PDE4C: variants seen among roughly 807,000 people sequenced by gnomAD.
PDE4C encodes the protein phosphodiesterase 4C.
A neutral mutation model predicts 63.9 loss-of-function variants in PDE4C; 50 were observed. That is an observed-to-expected ratio of 0.78 (90% CI 0.62 to 0.99). The LOEUF is 0.99. Ranked by LOEUF, PDE4C falls within the 50% of genes least tolerant of loss-of-function variation. The pLI is 0.00. For synonymous variants in PDE4C, 377 were observed against 385.1 expected (o/e 0.98, Z 0.25); for missense variants, 777 against 899.1 (o/e 0.86, Z 1.74).
chr19:18,215,831 C>CTTT (rs756197005), intron 12 of PDE4C, among the ~76,000 whole-genome samples: 2 of 127,798 alleles, frequency 1.6e-5, no homozygotes, highest in Non-Finnish European at 1.7e-5. Flanking sequence ...TTTTTCTTTT[C>CTTT]TTTTTTTTTT....
At chr19:18,247,261 C>T (rs998351626) in intron 1 of PDE4C, among the ~76,000 whole-genome samples, 1 of 152,144 alleles carries the variant, frequency 6.6e-6, no homozygotes, top group African/African-American at 2.4e-5. Context: ...TCAGTGGGCC[C>T]CTGTGAGCTG....
chr19:18,244,555 C>G (rs748130300), intron 1 of PDE4C, among the ~76,000 whole-genome samples: 1 of 152,098 alleles, frequency 6.6e-6, no homozygotes, highest in Non-Finnish European at 1.5e-5. Context: ...TCTTGTCACC[C>G]AGGCTGGAGT....
chr19:18,215,118 A>G (rs1968135002), intron 12 of PDE4C, among the ~76,000 whole-genome samples: 1 of 151,858 alleles, frequency 6.6e-6, no homozygotes. Context: ...GGTACCCACC[A>G]CTCAAGACCC....
chr19:18,250,286 G>C (rs148915447), upstream of PDE4C: 73 of 399,126 alleles, frequency 1.8e-4, no homozygotes, highest in East Asian at 2.6e-3. Flanking sequence ...CCCCAGGGCT[G>C]AGCCCCCAGC....
upstream of PDE4C, among the ~76,000 whole-genome samples, chr19:18,237,607 T>C (rs1968973664): frequency 6.7e-6 from 1 of 150,344 alleles, no homozygotes; most frequent in African/African-American, 2.5e-5. Flanking sequence ...GCCCAGTGGC[T>C]CACGCCTGTA....
At chr19:18,239,744 G>A (rs1039041578) in intron 1 of PDE4C, among the ~76,000 whole-genome samples, 12 of 152,022 alleles carry the variant, frequency 7.9e-5, no homozygotes, top group Non-Finnish European at 1.5e-4. Context: ...CTGGGAAACT[G>A]GCCAGGCGCG....
intron 1 of PDE4C, among the ~76,000 whole-genome samples, chr19:18,222,941 C>T (rs1483008413): frequency 6.6e-6 from 1 of 152,014 alleles, no homozygotes; most frequent in African/African-American, 2.4e-5. Context: ...CTCAAACAAT[C>T]CTCCCAGCTC....
chr19:18,215,295 G>C (rs1402445436), intron 12 of PDE4C, among the ~76,000 whole-genome samples: 2 of 152,070 alleles, frequency 1.3e-5, no homozygotes, highest in Non-Finnish European at 2.9e-5. Context: ...TCTTTGGCTG[G>C]TCTGGGCTCC....
At chr19:18,239,209 C>A (rs938993711) in intron 1 of PDE4C, among the ~76,000 whole-genome samples, 1 of 152,074 alleles carries the variant, frequency 6.6e-6, no homozygotes, top group Non-Finnish European at 1.5e-5. Context: ...GTAACTAGAG[C>A]CCAAGGTTGC....
chr19:18,231,101 G>A (rs1377408983), upstream of PDE4C, among the ~76,000 whole-genome samples: 13 of 152,326 alleles, frequency 8.5e-5, no homozygotes, highest in Admixed American at 7.8e-4. Context: ...GAGGCACCAC[G>A]GCTTGCTCAA....
chr19:18,210,885 G>A, exon 15 of PDE4C: 1 of 1,533,156 alleles, frequency 6.5e-7, no homozygotes, highest in Non-Finnish European at 8.8e-7. Context: ...AAGAGCCAAA[G>A]GGCTTTACCA....
chr19:18,247,538 C>T (rs904990463), intron 1 of PDE4C, among the ~76,000 whole-genome samples: 5 of 152,130 alleles, frequency 3.3e-5, no homozygotes, highest in African/African-American at 7.2e-5. Context: ...TCAAGTGATC[C>T]GCCTGCTTCG....
intron 1 of PDE4C, among the ~76,000 whole-genome samples, chr19:18,224,012 A>T (rs1381418383): frequency 6.6e-6 from 1 of 150,464 alleles, no homozygotes; most frequent in Admixed American, 6.6e-5. Flanking sequence ...AGGCTCCCCC[A>T]CTCCTCCACT....
chr19:18,216,983 C>T, intron 11 of PDE4C, 88 bp from the exon 12 acceptor site: 2 of 1,452,408 alleles, frequency 1.4e-6, no homozygotes. Flanking sequence ...TTAGCAAACT[C>T]CTACCCATGC....
rs144787086 is a variant in PDE4C at position 18,233,218 on chromosome 19, C to T, written c.-27G>A. On this transcript the variant is annotated 5_prime_UTR_variant, in exon 1 of 15. Coordinates refer to the PDE4C transcript ENST00000594465. Reference sequence around the variant, plus strand: ...CGCCAGAGAAAGGGGTCTGGGATAGCAGGGAGCAGGACTCGTCCCCGTGAG... The same window carrying T: ...CGCCAGAGAAAGGGGTCTGGGATAGTAGGGAGCAGGACTCGTCCCCGTGAG... The T allele has an allele frequency of 7.5e-4, 1,168 of 1,550,804 alleles. 12 individuals carry two copies. The African/African-American group carries it at 0.014, about 18-fold the overall frequency.
rs200889967 is a variant in PDE4C, at chr19:18,220,464, C to T, written c.551G>A (p.Cys184Tyr). The T allele has an allele frequency of 1.2e-6, 2 of 1,614,100 alleles. No homozygotes were observed. The highest frequency in any genetic ancestry group is 1.3e-5 in the African/African-American group (1 of 74,938). Residue 184 changes from cysteine to tyrosine, a missense_variant, in exon 6 of 15, where the codon TGC (cysteine) becomes TAC (tyrosine). Physicochemically the swap from Cys to Tyr is radical, Grantham distance 194. Around this residue, in one of 3 missense-constraint regions of PDE4C, gnomAD observed 28 missense variants for 53.5 expected, o/e 0.52. Transcript: ENST00000262805. The surrounding 1 kb of genome is among the most constrained non-coding windows in gnomAD (Gnocchi z 5.1). Reference sequence around the variant, plus strand: ...CTGCAGCGTCTCCAACTGATCCAGGCACCAGTCCAGCTCGTCTAGCGTCTC... The same window carrying T: ...CTGCAGCGTCTCCAACTGATCCAGGTACCAGTCCAGCTCGTCTAGCGTCTC...
Position 18,220,132 on chromosome 19 carries a change from T to C in PDE4C, c.706+94A>G. 1 of 988,354 alleles carries C rather than the reference T, an allele frequency of 1.0e-6. No individual in the cohort carries two copies. The allele number at this position is 988,354 out of a possible 1,614,324, so 61.2% of individuals were successfully genotyped here. ...GGCTGAAGGTGTCTGTGTCTGGCTGTATCTCCCCCAGACTGAGGTCTATCA... is the reference window on the plus strand; with the variant it reads ...GGCTGAAGGTGTCTGTGTCTGGCTGCATCTCCCCCAGACTGAGGTCTATCA... On this transcript the variant is annotated intron_variant, in intron 7 of 14. Coordinates refer to ENST00000262805, the Ensembl canonical transcript of PDE4C. This position sits in a 1 kb window ranked among gnomAD's most constrained non-coding sequence, Gnocchi z 5.1.
chr19:18,253,563 A>AAACAC, the PDE4C span, among the ~76,000 whole-genome samples: 4 of 141,750 alleles, frequency 2.8e-5, no homozygotes, highest in Admixed American at 7.0e-5. Context: ...AAAAAAAAAA[A>AAACAC]ACACACACAC....
At chr19:18,232,967 G>C (rs562942696) in exon 1 of PDE4C, 9 of 1,463,870 alleles carry the variant, frequency 6.1e-6, no homozygotes, top group African/African-American at 2.9e-5. Flanking sequence ...AGGAGGAAAC[G>C]GGCCAGGAGA....
Sources: allele counts gnomAD v4.1 joint callset (sites outside exome capture counted in the v4.1 genomes callset), GRCh38; gene constraint gnomAD v4.1.1; regional missense constraint gnomAD v4.1.1; non-coding constraint Gnocchi (gnomAD v3.1); transcripts MANE v1.5; gene names NCBI Gene and HGNC (gene_info 2026-07-23, HGNC 2026-07-21).